The following CXXC5 variants were observed in gnomAD, a reference collection of about 807,000 sequenced individuals.
CXXC5 encodes the protein CXXC-type zinc finger protein 5.
A neutral mutation model predicts 17.6 loss-of-function variants in CXXC5; 2 were observed. The observed-to-expected ratio is 0.11, with a 90% CI of 0.05 to 0.36. The LOEUF is 0.36. CXXC5 is among the 10% of genes least tolerant of loss of function. The pLI, the probability that CXXC5 is intolerant of heterozygous loss-of-function variation, is 1.00. For synonymous variants in CXXC5, 171 were observed against 193.0 expected, an observed-to-expected ratio of 0.89 and a Z score of 0.94; for missense variants, 343 against 458.3, an observed-to-expected ratio of 0.75 and a Z score of 2.30.
In CXXC5 at chr5:139,680,518, C is replaced by G; in HGVS notation, c.-6C>G. The G allele has an allele frequency of 6.4e-7, 1 of 1,551,806 alleles. No individual in the cohort carries two copies. The highest frequency in any genetic ancestry group is 8.7e-7 in the Non-Finnish European group (1 of 1,149,872). On this transcript the variant is annotated 5_prime_UTR_variant, in exon 2 of 3. Transcript: ENST00000302517. ...TCTGCAGTGGGGTCTGGGCCTCGGC[C>G]CCACCATGTCGAGCCTCGGCGGTGG...
chr5:139,652,295 T>TTACTCACGCGC (rs1755256413), intron 1 of CXXC5, among the ~76,000 whole-genome samples: 1 of 151,950 alleles, frequency 6.6e-6, no homozygotes, highest in Non-Finnish European at 1.5e-5. Context: ...GCCTCCCCCG[T>TTACTCACGCGC]TACTCACGCG....
chr5:139,652,161 C>CGTGTGTGT (rs1485366571), intron 1 of CXXC5, among the ~76,000 whole-genome samples: 12 of 126,470 alleles, frequency 9.5e-5, no homozygotes, highest in East Asian at 2.3e-4. Flanking sequence ...CGCGCGCGCG[C>CGTGTGTGT]GCGCGCGCGC....
At chr5:139,651,511 G>C (rs909225110) in intron 1 of CXXC5, among the ~76,000 whole-genome samples, 2 of 152,194 alleles carry the variant, frequency 1.3e-5, no homozygotes, top group Non-Finnish European at 2.9e-5. Context: ...CCCCTTTCCT[G>C]CTCTGCCTGC....
rs1755924052 is a variant in CXXC5, at chr5:139,663,343, G to A, written c.-161+14498G>A. ...GCAAATGGAGCCTTTGCAGGGTGGC[G>A]AGAGGCTTGGGATGTGCCTTTGTGG... is the stretch of plus-strand genomic sequence containing the variant. On this transcript the variant is annotated intron_variant, in intron 1 of 2. Transcript: ENST00000302517. This position sits in a 1 kb window ranked among gnomAD's most constrained non-coding sequence, Gnocchi z 4.2. Among the ~76,000 whole-genome samples, 3 of 152,300 alleles carry A rather than the reference G, an allele frequency of 2.0e-5. No individual in the cohort carries two copies. In the South Asian group the frequency reaches 6.2e-4, roughly 32 times the overall value.
intron 1 of CXXC5, among the ~76,000 whole-genome samples, chr5:139,676,246 CA>C (rs2126809523): frequency 4.6e-5 from 4 of 86,778 alleles, no homozygotes; most frequent in Admixed American, 1.1e-4. Flanking sequence ...CCCTCCTCCC[CA>C]CCTCCTCCAC....
intron 1 of CXXC5, among the ~76,000 whole-genome samples, chr5:139,674,290 G>C (rs1756655034): frequency 6.6e-6 from 1 of 152,188 alleles, no homozygotes; most frequent in African/African-American, 2.4e-5. Flanking sequence ...TGCCCAGCTT[G>C]GTTCAACCAC....
chr5:139,661,549 T>A lies in CXXC5; in HGVS notation c.-161+12704T>A, dbSNP rs951656128. Among the ~76,000 whole-genome samples the A allele has an allele frequency of 2.6e-5, 4 of 152,166 alleles. No individual in the cohort carries two copies. The highest frequency in any genetic ancestry group is 4.8e-5 in the African/African-American group (2 of 41,438). On this transcript the variant is annotated intron_variant, in intron 1 of 2. Coordinates refer to ENST00000302517, the MANE Select transcript of CXXC5 (RefSeq NM_016463.9). This position sits in a 1 kb window ranked among gnomAD's most constrained non-coding sequence, Gnocchi z 4.7. ...GCACACACACCCACTGGCACGTACC[T>A]AGGCGAATGCACATACACAGGCACA...
chr5:139,674,411 C>T (rs963189183), intron 1 of CXXC5, among the ~76,000 whole-genome samples: 5 of 152,224 alleles, frequency 3.3e-5, no homozygotes, highest in East Asian at 1.9e-4. Context: ...AGACAAGGGC[C>T]GGGATGTCAA....
rs1428083706 is a variant in CXXC5, at chr5:139,658,305, G to C, written c.-161+9460G>C. 6.6e-6 allele frequency among the ~76,000 whole-genome samples: 1 copy of C among 152,172 alleles called. No individual in the cohort carries two copies. The highest frequency in any genetic ancestry group is 1.5e-5 in the Non-Finnish European group (1 of 68,038). On this transcript the variant is annotated intron_variant, in intron 1 of 2. Coordinates refer to ENST00000302517, the MANE Select transcript of CXXC5 (RefSeq NM_016463.9). This position sits in a 1 kb window ranked among gnomAD's most constrained non-coding sequence, Gnocchi z 4.1. ...AGGCATTTTTCAAGTCAGGATTCTC[G>C]TTGGGATTCTGGAATCACAGAACCA... is the stretch of plus-strand genomic sequence containing the variant.
chr5:139,669,211 G>T (rs1756308083), intron 1 of CXXC5, among the ~76,000 whole-genome samples: 1 of 152,208 alleles, frequency 6.6e-6, no homozygotes, highest in African/African-American at 2.4e-5. Context: ...CCATGGCAGT[G>T]TCCCCGCCCG....
rs763113315 is a variant in CXXC5, at chr5:139,661,465, C to G, written c.-161+12620C>G. On this transcript the variant is annotated intron_variant, in intron 1 of 2. Coordinates refer to ENST00000302517, the MANE Select transcript of CXXC5 (RefSeq NM_016463.9). The surrounding 1 kb of genome is among the most constrained non-coding windows in gnomAD (Gnocchi z 4.7). ...CTCGGTCACATGCACCATGCACACA[C>G]AGCTCCCATGTGGTGCTCCAGAAGC... is the stretch of plus-strand genomic sequence containing the variant. Among the ~76,000 whole-genome samples the G allele has an allele frequency of 1.3e-5, 2 of 152,230 alleles. No homozygotes were observed.
chr5:139,682,770 C>A (rs1273108660), intron 2 of CXXC5, 93 bp from the exon 3 acceptor site: 3 of 1,308,368 alleles, frequency 2.3e-6, no homozygotes, highest in Non-Finnish European at 3.1e-6. Flanking sequence ...TGTCCCTCCG[C>A]CATGAGGCCA....
At chr5:139,659,098 C>T (rs1755637691) in intron 1 of CXXC5, among the ~76,000 whole-genome samples, 1 of 152,180 alleles carries the variant, frequency 6.6e-6, no homozygotes, top group African/African-American at 2.4e-5. Flanking sequence ...CCTTGGTTTG[C>T]CCATCTGCAG....
chr5:139,655,723 C>T (rs2126748330), intron 1 of CXXC5, among the ~76,000 whole-genome samples: 1 of 151,892 alleles, frequency 6.6e-6, no homozygotes, highest in Admixed American at 6.5e-5. Flanking sequence ...GCCTGTCCAC[C>T]CCCCAACCAC....
intron 1 of CXXC5, among the ~76,000 whole-genome samples, chr5:139,657,548 AG>A (rs1233240652): frequency 6.6e-6 from 1 of 152,198 alleles, no homozygotes; most frequent in East Asian, 1.9e-4. Context: ...GCTGGTGAAC[AG>A]GCTGGCAGGT....
intron 1 of CXXC5, among the ~76,000 whole-genome samples, chr5:139,669,061 T>C (rs1244068703): frequency 6.6e-6 from 1 of 152,184 alleles, no homozygotes; most frequent in Admixed American, 6.5e-5. Flanking sequence ...GTGGCCAGCC[T>C]GCTCGCTGTG....
rs868045304 is a variant in CXXC5 at position 139,670,284 on chromosome 5, C to T, written c.-160-10080C>T. Among the ~76,000 whole-genome samples, 16 of 152,334 alleles carry T rather than the reference C, an allele frequency of 1.1e-4. No individual in the cohort carries two copies. Among genetic ancestry groups the T allele is most frequent in the Middle Eastern group, 3.4e-3 (1 of 294 alleles). ...TTTTTCCACGCTCAGGCCAGGCAGG[C>T]GGGTAGACACTGGCCAGAGCTGTTG... On this transcript the variant is annotated intron_variant, in intron 1 of 2. Coordinates refer to ENST00000302517, the MANE Select transcript of CXXC5 (RefSeq NM_016463.9). The surrounding 1 kb of genome is among the most constrained non-coding windows in gnomAD (Gnocchi z 4.2).
At chr5:139,655,389 G>A (rs1755434172) in intron 1 of CXXC5, among the ~76,000 whole-genome samples, 2 of 150,862 alleles carry the variant, frequency 1.3e-5, no homozygotes, top group South Asian at 4.2e-4. Flanking sequence ...CTTCAAGCCG[G>A]CCCCCTACCC....
At chr5:139,675,750 A>G (rs1756745974) in intron 1 of CXXC5, among the ~76,000 whole-genome samples, 2 of 152,172 alleles carry the variant, frequency 1.3e-5, no homozygotes, top group Admixed American at 1.3e-4. Flanking sequence ...GAAATTGGCA[A>G]ATAGTTTCTG....
Sources: allele counts gnomAD v4.1 joint callset (sites outside exome capture counted in the v4.1 genomes callset), GRCh38; gene constraint gnomAD v4.1.1; non-coding constraint Gnocchi (gnomAD v3.1); transcripts MANE v1.5; gene names NCBI Gene and HGNC (gene_info 2026-07-23, HGNC 2026-07-21).